CYP2J2: variants seen among roughly 807,000 people sequenced by gnomAD.
CYP2J2 encodes cytochrome P450 family 2 subfamily J member 2.
In CYP2J2, 41 loss-of-function variants were observed where a neutral mutation model predicts 48.8. The observed-to-expected ratio is 0.84, with a 90% CI of 0.66 to 1.09. The LOEUF is 1.09. Among genes scored for constraint, CYP2J2 ranks in the 50% least tolerant of loss-of-function variants. The pLI, the probability that CYP2J2 is intolerant of heterozygous loss-of-function variation, is 0.00. For synonymous variants in CYP2J2, 221 were observed against 227.1 expected (o/e 0.97, Z 0.24); for missense variants, 644 against 617.3 (o/e 1.04, Z -0.46).
chr1:59,920,003 GA>G (rs1400356274), intron 1 of CYP2J2, among the ~76,000 whole-genome samples: 1 of 151,672 alleles, frequency 6.6e-6, no homozygotes, highest in Non-Finnish European at 1.5e-5. Context: ...TGACTGTGCA[GA>G]AAAAAAATGG....
At chr1:59,939,315 C>T in the CYP2J2 span, among the ~76,000 whole-genome samples, 2 of 152,204 alleles carry the variant, frequency 1.3e-5, no homozygotes, top group African/African-American at 4.8e-5. Flanking sequence ...CCCAGTAACA[C>T]TGTGGTTCTT....
the CYP2J2 span, among the ~76,000 whole-genome samples, chr1:59,933,677 A>T: frequency 1.5e-4 from 23 of 152,312 alleles, 1 homozygote; most frequent in East Asian, 4.4e-3. Context: ...GACTTAACTA[A>T]GGAGACAAAA....
chr1:59,942,859 T>C, the CYP2J2 span, among the ~76,000 whole-genome samples: 1 of 152,216 alleles, frequency 6.6e-6, no homozygotes, highest in Non-Finnish European at 1.5e-5. Context: ...ACCTACTATG[T>C]GCTGGGCACA....
At position 59,893,845 on chromosome 1, in the gene CYP2J2, A is replaced by C; in HGVS notation, c.1331-16T>G. ...GCCCGCTTTCCTGTAAGACAAAATC[A>C]AAAGACGGGTTATCTTCTCAGGTGG... On this transcript the variant is annotated splice_polypyrimidine_tract_variant and intron_variant, in intron 8 of 8. Transcript: ENST00000371204. 1.3e-6 allele frequency: 2 copies of C among 1,588,696 alleles called. No homozygotes were observed. Among genetic ancestry groups the C allele is most frequent in the Non-Finnish European group, 1.7e-6 (2 of 1,168,102 alleles).
chr1:59,939,672 C>T, the CYP2J2 span, among the ~76,000 whole-genome samples: 691 of 152,290 alleles, frequency 4.5e-3, 4 homozygotes, highest in Non-Finnish European at 7.2e-3. Context: ...GGGCCAAGTT[C>T]CTCTAAGCCT....
In CYP2J2 at chr1:59,915,954, A is replaced by G. The variant is rs751379367; in HGVS notation, c.357T>C (p.His119=). ...GAAACTTACCATTTTTCTTAAAGATATGTTCTCGCATAGGGGTCACGGGGC... is the reference window on the plus strand; with the variant it reads ...GAAACTTACCATTTTTCTTAAAGATGTGTTCTCGCATAGGGGTCACGGGGC... ...GNRPVTPMRE[H]IFKKNGLIMS... is the part of the protein sequence containing the mutation. Residue 119 remains histidine, a synonymous_variant, in exon 2 of 9, where the codon CAT becomes CAC. Coordinates refer to ENST00000371204, the MANE Select transcript of CYP2J2 (RefSeq NM_000775.4). 1 of 1,612,510 alleles carries G rather than the reference A, an allele frequency of 6.2e-7. No individual in the cohort carries two copies. The highest frequency in any genetic ancestry group is 8.5e-7 in the Non-Finnish European group (1 of 1,179,556).
At chr1:59,968,207 TA>T in the CYP2J2 span, among the ~76,000 whole-genome samples, 1 of 152,184 alleles carries the variant, frequency 6.6e-6, no homozygotes, top group Non-Finnish European at 1.5e-5. Flanking sequence ...AAAGTTTCTT[TA>T]AAACAGATCT....
the CYP2J2 span, among the ~76,000 whole-genome samples, chr1:59,935,129 A>C: frequency 2.0e-5 from 3 of 149,542 alleles, no homozygotes; most frequent in African/African-American, 7.4e-5. Flanking sequence ...TGTGGAGGAC[A>C]TTATGCTAAA....
At chr1:59,964,819 A>AG in the CYP2J2 span, among the ~76,000 whole-genome samples, 1 of 152,208 alleles carries the variant, frequency 6.6e-6, no homozygotes, top group African/African-American at 2.4e-5. Context: ...GAGAGTTTTG[A>AG]GCAGAGAAAT....
chr1:59,915,119 AC>A (rs1186271421), intron 2 of CYP2J2, among the ~76,000 whole-genome samples: 1 of 152,130 alleles, frequency 6.6e-6, no homozygotes, highest in Non-Finnish European at 1.5e-5. Context: ...TTTCTTGCTG[AC>A]CTTCTCCCCA....
the CYP2J2 span, among the ~76,000 whole-genome samples, chr1:59,956,472 C>A: frequency 3.3e-5 from 5 of 152,126 alleles, no homozygotes; most frequent in Non-Finnish European, 7.4e-5. Context: ...GGACTCTCTT[C>A]TCTTTTTTCA....
chr1:59,938,193 T>C, the CYP2J2 span, among the ~76,000 whole-genome samples: 468 of 152,296 alleles, frequency 3.1e-3, 2 homozygotes, highest in African/African-American at 0.01. Context: ...CTGTGGGTAT[T>C]TCTCATCAGG....
chr1:59,958,424 G>A, the CYP2J2 span, among the ~76,000 whole-genome samples: 115 of 152,188 alleles, frequency 7.6e-4, no homozygotes, highest in African/African-American at 2.6e-3. Context: ...TGGGAATACC[G>A]CCTCCCCCAT....
intron 4 of CYP2J2, 115 bp downstream of exon 4, chr1:59,911,493 T>C: frequency 1.5e-6 from 1 of 688,890 alleles, no homozygotes; most frequent in Non-Finnish European, 2.4e-6. Context: ...AAATTAGTTT[T>C]GAAAGGTTAT....
chr1:59,926,829 A>T, upstream of CYP2J2: 1 of 1,323,326 alleles, frequency 7.6e-7, no homozygotes, highest in Non-Finnish European at 1.1e-6. Context: ...CCTCGCTCCC[A>T]GCCGTGCCCC....
the CYP2J2 span, among the ~76,000 whole-genome samples, chr1:59,960,668 C>A: frequency 2.4e-3 from 371 of 152,272 alleles, 2 homozygotes; most frequent in Non-Finnish European, 4.7e-3. Flanking sequence ...CTTGGTGAAA[C>A]CCCGACTCTA....
chr1:59,960,339 G>A, the CYP2J2 span, among the ~76,000 whole-genome samples: 1 of 152,176 alleles, frequency 6.6e-6, no homozygotes, highest in Non-Finnish European at 1.5e-5. Flanking sequence ...GAGAGCTGGA[G>A]AAATTATACA....
chr1:59,945,713 G>A, the CYP2J2 span, among the ~76,000 whole-genome samples: 1 of 152,116 alleles, frequency 6.6e-6, no homozygotes, highest in Non-Finnish European at 1.5e-5. Context: ...TACGAGAAAA[G>A]TCCTGTTGGC....
At chr1:59,930,358 CA>C (rs1286804046), upstream of CYP2J2, among the ~76,000 whole-genome samples, 1 of 152,102 alleles carries the variant, frequency 6.6e-6, no homozygotes, top group East Asian at 1.9e-4. Context: ...CACCATTTTG[CA>C]TTCCTAGAAG....
Sources: allele counts gnomAD v4.1 joint callset (sites outside exome capture counted in the v4.1 genomes callset), GRCh38; gene constraint gnomAD v4.1.1; transcripts MANE v1.5; gene names NCBI Gene and HGNC (gene_info 2026-07-23, HGNC 2026-07-21).